Variants in ASL observed in about 807,000 individuals in gnomAD.
ASL encodes argininosuccinate lyase, also known as argininosuccinase.
A neutral mutation model predicts 69.1 loss-of-function variants in ASL; 51 were observed. The observed-to-expected ratio is 0.74, with a 90% CI of 0.59 to 0.93. The LOEUF (loss-of-function observed/expected upper bound fraction) is 0.93, where lower values mean the gene tolerates loss of function less well. ASL is among the 40% of genes least tolerant of loss of function. The pLI is 0.00. For missense variants in ASL, 540 were observed against 623.9 expected (o/e 0.87, Z 1.43); for synonymous variants, 241 against 247.6 (o/e 0.97, Z 0.25).
intron 6 of ASL, among the ~76,000 whole-genome samples, chr7:66,085,411 G>A (rs914484090): frequency 6.6e-6 from 1 of 152,040 alleles, no homozygotes; most frequent in Admixed American, 6.6e-5. Context: ...GGTGGAGGTT[G>A]TAGTGAGCCG....
rs999615023 is a variant in ASL, at chr7:66,081,984, A to G, written c.194A>G (p.His65Arg). 6 of 1,609,468 alleles carry G rather than the reference A, an allele frequency of 3.7e-6. No homozygotes were observed. The highest frequency in any genetic ancestry group is 5.1e-6 in the Non-Finnish European group (6 of 1,178,138). Residue 65 changes from histidine (H) to arginine (R), a missense_variant, in exon 3 of 17, where the codon CAT becomes CGT. Coordinates refer to ENST00000304874, the MANE Select transcript of ASL (RefSeq NM_000048.4). ...LTKAEMDQIL[H>R]GLDKVAEEWA... ...AAGGCCGAGATGGACCAGATACTCC[A>G]TGGCCTAGACAAGGTACTTGCCGTG...
intron 2 of ASL, among the ~76,000 whole-genome samples, chr7:66,077,002 G>A (rs1048761204): frequency 7.9e-5 from 12 of 152,162 alleles, no homozygotes; most frequent in Admixed American, 3.9e-4. Context: ...GAGCCAAACA[G>A]ACTTGGTTTC....
chr7:66,087,440 G>C, intron 9 of ASL, 54 bp downstream of exon 9: 1 of 1,587,166 alleles, frequency 6.3e-7, no homozygotes, highest in Admixed American at 1.7e-5. Flanking sequence ...CACCCGCCAA[G>C]ACCTGCAGAC....
At chr7:66,088,990 G>T in intron 11 of ASL, 69 bp downstream of exon 11, 1 of 1,607,144 alleles carries the variant, frequency 6.2e-7, no homozygotes. Context: ...CGCGGACGTG[G>T]CTGCCTTCCT....
In ASL at chr7:66,089,025, C is replaced by T. The variant is rs1786756510; in HGVS notation, c.834-66C>T. 3.1e-6 allele frequency: 5 copies of T among 1,611,046 alleles called. No individual in the cohort carries two copies. The East Asian group carries it at 8.9e-5, about 29-fold the overall frequency. ...TCCCCGTCCCACCCCTCCGCCAGAC[C>T]TGGCCATTGCGGCGCTGGACCAGCC... On this transcript the variant is annotated intron_variant, in intron 11 of 16. Transcript: ENST00000304874.
At chr7:66,087,245 T>C (rs1584028727) in intron 8 of ASL, 89 bp from the exon 9 acceptor site, 1 of 48,074 alleles carries the variant, frequency 2.1e-5, no homozygotes, top group Non-Finnish European at 4.4e-5. Context: ...TGTGCGTTCG[T>C]GTGTGTGTGT....
At chr7:66,092,372 G>T (rs1036265796) in intron 15 of ASL, among the ~76,000 whole-genome samples, 185 bp from the exon 16 acceptor site, 2 of 151,300 alleles carry the variant, frequency 1.3e-5, no homozygotes, top group African/African-American at 4.9e-5. Flanking sequence ...CAGGAGAATT[G>T]ATTGAACTGG....
At chr7:66,088,949 GC>G in intron 11 of ASL, 28 bp downstream of exon 11, 1 of 1,610,228 alleles carries the variant, frequency 6.2e-7, no homozygotes, top group Non-Finnish European at 8.5e-7. Context: ...ACCTCCATCT[GC>G]CGCTGCCGGC....
At chr7:66,076,166 G>A (rs1036937767) in intron 2 of ASL, 73 bp downstream of exon 2, 35 of 1,547,720 alleles carry the variant, frequency 2.3e-5, no homozygotes, top group Admixed American at 5.8e-5. Context: ...ACCTGCCTCG[G>A]GCCACCCTGC....
chr7:66,089,486 T>C, intron 13 of ASL, 126 bp from the exon 14 acceptor site: 1 of 1,410,274 alleles, frequency 7.1e-7, no homozygotes, highest in Non-Finnish European at 9.8e-7. Flanking sequence ...TGCCCTTCCT[T>C]TGTTGGGGTA....
At chr7:66,085,679 C>T (rs1786641437) in intron 6 of ASL, among the ~76,000 whole-genome samples, 1 of 151,468 alleles carries the variant, frequency 6.6e-6, no homozygotes, top group South Asian at 2.1e-4. Context: ...GCAATCTCAA[C>T]TCACTGCAAG....
chr7:66,083,208 G>C lies in ASL; in HGVS notation c.446+34G>C, dbSNP rs768956182. The C allele has an allele frequency of 3.1e-6, 5 of 1,606,286 alleles. No individual in the cohort carries two copies. The African/African-American group carries it at 6.7e-5, about 21-fold the overall frequency. On this transcript the variant is annotated intron_variant, in intron 6 of 16. Coordinates refer to ENST00000304874, the MANE Select transcript of ASL (RefSeq NM_000048.4). ...TACAGGGACACCCAGGGGGCAGACA[G>C]AGGTGTGATGGAAGCCTGAACAGGA...
chr7:66,087,243 CGTGTGTGTGT>C (rs60055215), intron 8 of ASL, 81 bp from the exon 9 acceptor site: 14,358 of 976,448 alleles, frequency 0.015, 71 homozygotes, highest in East Asian at 0.098. Flanking sequence ...TGTGTGCGTT[CGTGTGTGTGT>C]GTGTGTGTGT....
chr7:66,086,708 G>A (rs773372630), intron 7 of ASL, 36 bp from the exon 8 acceptor site: 41 of 1,611,260 alleles, frequency 2.5e-5, no homozygotes, highest in Middle Eastern at 1.6e-4. Flanking sequence ...GGAGGACCCC[G>A]GCTGCCCTGA....
chr7:66,091,992 A>T lies in ASL; in HGVS notation c.1063-14A>T, dbSNP rs200734740. ...GGTCCCCAGGGCTCACCACTCGCCC[A>T]CCTGTGCCCCCAGATTCACCAAGAG... On this transcript the variant is annotated splice_polypyrimidine_tract_variant and intron_variant, in intron 14 of 16. Transcript: ENST00000304874. The T allele has an allele frequency of 2.2e-5, 35 of 1,613,178 alleles. No individual in the cohort carries two copies. The highest frequency in any genetic ancestry group is 3.0e-5 in the Non-Finnish European group (35 of 1,179,972).
rs888941126 is a variant in ASL, at chr7:66,075,829, G to A, written c.-71G>A. ...AGAAAAGCCCTGGCCAGTGGCGGGCGCGACACTATCCGTGCGGCCAGGCGG... is the reference window on the plus strand; with the variant it reads ...AGAAAAGCCCTGGCCAGTGGCGGGCACGACACTATCCGTGCGGCCAGGCGG... On this transcript the variant is annotated 5_prime_UTR_variant, in exon 1 of 17. Coordinates refer to ENST00000304874, the MANE Select transcript of ASL (RefSeq NM_000048.4). 4 of 492,752 alleles carry A rather than the reference G, an allele frequency of 8.1e-6. No individual in the cohort carries two copies. The highest frequency in any genetic ancestry group is 4.2e-5 in the African/African-American group (2 of 47,866). The allele number at this position is 492,752 out of a possible 1,614,324, so 30.5% of individuals were successfully genotyped here.
At position 66,092,325 on chromosome 7, in the gene ASL, C is replaced by T. The variant is rs567071577; in HGVS notation, c.1144-232C>T. On this transcript the variant is annotated intron_variant, in intron 15 of 16. Coordinates refer to ENST00000304874, the MANE Select transcript of ASL (RefSeq NM_000048.4). ...TACAACAATTAGCTGGGTGTGGTGG[C>T]ACACTCCTGTAATCCCAGTTACTCG... is the stretch of plus-strand genomic sequence containing the variant. Among the ~76,000 whole-genome samples the T allele has an allele frequency of 2.0e-3, 298 of 152,084 alleles. 2 individuals carry two copies. Among genetic ancestry groups the T allele is most frequent in the Non-Finnish European group, 3.8e-3 (261 of 67,974 alleles).
intron 9 of ASL, 138 bp downstream of exon 9, chr7:66,087,524 C>A: frequency 1.7e-6 from 2 of 1,153,852 alleles, no homozygotes; most frequent in South Asian, 1.3e-5. Flanking sequence ...GCACTGAGGT[C>A]ATCAAGTTCA....
At position 66,082,367 on chromosome 7, in the gene ASL, G is replaced by A. The variant is rs1487170309; in HGVS notation, c.208-1G>A. 4.3e-6 allele frequency: 7 copies of A among 1,611,300 alleles called. No individual in the cohort carries two copies. Among genetic ancestry groups the A allele is most frequent in the Non-Finnish European group, 5.1e-6 (6 of 1,179,226 alleles). ...CCCGGCATTGCTGCTACCCACTACA[G>A]GTGGCTGAGGAGTGGGCCCAGGGCA... On this transcript the variant is annotated splice_acceptor_variant, in intron 3 of 16. Transcript: ENST00000304874. LOFTEE classifies it high-confidence loss of function.
Sources: gnomAD v4.1 joint callset for allele counts (sites outside exome capture counted in the v4.1 genomes callset) on GRCh38, gnomAD v4.1.1 for gene constraint, MANE v1.5 for transcripts, NCBI Gene and HGNC (gene_info 2026-07-23, HGNC 2026-07-21) for gene names.